Variants in LRTM2 observed in about 807,000 individuals in gnomAD.
LRTM2 encodes leucine rich repeat transmembrane protein 2.
A neutral mutation model predicts 28.1 loss-of-function variants in LRTM2; 18 were observed. The observed-to-expected ratio is 0.64, with a 90% confidence interval of 0.44 to 0.95. The LOEUF (loss-of-function observed/expected upper bound fraction) is 0.95. LRTM2 is among the 40% of genes least tolerant of loss of function. The probability of loss-of-function intolerance (pLI) is 0.00; values close to 1 mark genes in which losing one functional copy is unlikely to be tolerated. For synonymous variants in LRTM2, 250 were observed against 218.7 expected, an observed-to-expected ratio of 1.14 and a Z score of -1.26; for missense variants, 436 against 497.2, an observed-to-expected ratio of 0.88 and a Z score of 1.17.
intron 1 of LRTM2, among the ~76,000 whole-genome samples, chr12:1,821,642 G>A (rs1013865888): frequency 6.6e-6 from 1 of 152,166 alleles, no homozygotes; most frequent in Non-Finnish European, 1.5e-5. Flanking sequence ...AGCGGGGCCA[G>A]GCCTGCCTGG....
In LRTM2 at chr12:1,826,411, C is replaced by CCCGT. The variant is rs1555177867; in HGVS notation, c.-258-997_-258-996insGTCC. On this transcript the variant is annotated intron_variant, in intron 1 of 4. Coordinates refer to ENST00000299194, the MANE Select transcript of LRTM2 (RefSeq NM_001039029.3). ...GATTTGAACCCAGAGCCCCCCCCCC[C>CCCGT]CCCCCGCCAACTGGCACCAGGAGCC... is the stretch of plus-strand genomic sequence containing the variant. Among the ~76,000 whole-genome samples, 228 of 102,662 alleles carry CCCGT rather than the reference C, an allele frequency of 2.2e-3. 1 individual carries two copies. The highest frequency in any genetic ancestry group is 9.5e-3 in the African/African-American group (216 of 22,796). The allele number at this position is 102,662 out of a possible 152,430, so 67.4% of individuals were successfully genotyped here.
At chr12:1,821,008 T>A (rs1430852391) in intron 1 of LRTM2, among the ~76,000 whole-genome samples, 194 bp downstream of exon 1, 1 of 152,174 alleles carries the variant, frequency 6.6e-6, no homozygotes, top group Admixed American at 6.5e-5. Context: ...TGCACGACAC[T>A]GGGAACTCTG....
At position 1,833,153 on chromosome 12, in the gene LRTM2, A is replaced by G. The variant is rs1285679270; in HGVS notation, c.659-1114A>G. On this transcript the variant is annotated intron_variant, in intron 4 of 4. Transcript: ENST00000299194. The surrounding 1 kb of genome is among the most constrained non-coding windows in gnomAD (Gnocchi z 4.2). ...ATAGCGGAGTTGCTTTCAACATTGC[A>G]TTTCTTAAAAACAAAATCCTGGAAT... Among the ~76,000 whole-genome samples the G allele has an allele frequency of 6.6e-6, 1 of 152,196 alleles. No homozygotes were observed. The highest frequency in any genetic ancestry group is 1.5e-5 in the Non-Finnish European group (1 of 68,034).
At position 1,820,893 on chromosome 12, in the gene LRTM2, C is replaced by T. The variant is rs78939196; in HGVS notation, c.-259+79C>T. The T allele has an allele frequency of 0.025, 3,855 of 152,206 alleles. 85 individuals are homozygous for T. Among genetic ancestry groups the T allele is most frequent in the Middle Eastern group, 0.068 (20 of 294 alleles). 9.4% of individuals were successfully genotyped at this position (152,206 alleles called of 1,614,324 possible). A position where few individuals can be genotyped will look rare whatever the true frequency, so the allele number is the denominator to read the frequency against. The stretch of plus-strand genomic sequence containing the variant: ...TGGTCGGGGCATGGGAAGTGGGCAC[C>T]GGCCATCTCTGCCCTGCAGGAATAG... On this transcript the variant is annotated intron_variant, in intron 1 of 4. Coordinates refer to ENST00000299194, the MANE Select transcript of LRTM2 (RefSeq NM_001039029.3). This position sits in a 1 kb window ranked among gnomAD's most constrained non-coding sequence, Gnocchi z 6.0.
chr12:1,826,593 C>T (rs1864338450), intron 1 of LRTM2, among the ~76,000 whole-genome samples: 2 of 152,222 alleles, frequency 1.3e-5, no homozygotes, highest in Non-Finnish European at 2.9e-5. Context: ...TCTTGTGACC[C>T]CTCTGCCAAC....
chr12:1,822,959 A>T (rs565615280), intron 1 of LRTM2, among the ~76,000 whole-genome samples: 1 of 152,194 alleles, frequency 6.6e-6, no homozygotes, highest in Non-Finnish European at 1.5e-5. Context: ...CGGCCCCTGC[A>T]GGCCCAGGGT....
chr12:1,832,846 T>A (rs974702749), intron 4 of LRTM2, among the ~76,000 whole-genome samples: 1 of 152,244 alleles, frequency 6.6e-6, no homozygotes, highest in Non-Finnish European at 1.5e-5. Context: ...AGTAATTAAA[T>A]AAATTAAATA....
intron 2 of LRTM2, 191 bp from the exon 3 acceptor site, chr12:1,827,885 C>T (rs1565691812): frequency 1.0e-5 from 4 of 389,626 alleles, no homozygotes; most frequent in Non-Finnish European, 1.8e-5. Context: ...AAAGCCGAAG[C>T]CTGCCCCGCC....
chr12:1,827,940 C>G (rs1592685166), intron 2 of LRTM2, 136 bp from the exon 3 acceptor site: 3 of 417,112 alleles, frequency 7.2e-6, no homozygotes, highest in Non-Finnish European at 1.3e-5. Context: ...CTTCTTCCCC[C>G]ACCCAGGGAA....
intron 1 of LRTM2, among the ~76,000 whole-genome samples, chr12:1,826,557 G>T (rs1335832612): frequency 6.6e-6 from 1 of 152,238 alleles, no homozygotes; most frequent in East Asian, 1.9e-4. Context: ...CACCTGGGCT[G>T]CCTGCAATCC....
In LRTM2 at chr12:1,831,508, A is replaced by G; in HGVS notation, c.641A>G (p.Glu214Gly). ...CNLREFKHWM[E>G]WFSYRGGRLD... The stretch of plus-strand genomic sequence containing the variant: ...CTGCGTGAGTTCAAACACTGGATGG[A>G]GTGGTTCTCCTACCGAGGTGAGCGC... Residue 214 changes from glutamate to glycine, a missense_variant, in exon 4 of 5, where the codon GAG becomes GGG. Glu to Gly is a moderately conservative substitution (Grantham distance 98). Coordinates refer to ENST00000299194, the MANE Select transcript of LRTM2 (RefSeq NM_001039029.3). The G allele has an allele frequency of 6.2e-7, 1 of 1,613,062 alleles. No individual in the cohort carries two copies. The highest frequency in any genetic ancestry group is 8.5e-7 in the Non-Finnish European group (1 of 1,179,684).
At chr12:1,827,246 A>G (rs989183020) in intron 1 of LRTM2, among the ~76,000 whole-genome samples, 164 bp from the exon 2 acceptor site, 4 of 151,890 alleles carry the variant, frequency 2.6e-5, no homozygotes, top group Non-Finnish European at 5.9e-5. Flanking sequence ...AGACCCCAGC[A>G]CACAGCCTGT....
In LRTM2 at chr12:1,834,516, G is replaced by A; in HGVS notation, c.908G>A (p.Ser303Asn). The A allele has an allele frequency of 1.2e-6, 2 of 1,606,264 alleles. No individual in the cohort carries two copies. The highest frequency in any genetic ancestry group is 1.7e-5 in the Admixed American group (1 of 60,002). ...CPQKQRHRPA[S>N]VRRAMGTVII... ...CAGAAGCAGAGGCACCGGCCGGCGA[G>A]CGTGAGGCGAGCCATGGGCACGGTG... The change falls in exon 5 of 5, where the codon AGC becomes AAC. Residue 303 changes from serine to asparagine, a missense_variant. Transcript: ENST00000299194. This position sits in a 1 kb window ranked among gnomAD's most constrained non-coding sequence, Gnocchi z 7.6.
rs1188278475 is a variant in LRTM2, at chr12:1,828,230, G to C, written c.67+15G>C. The C allele has an allele frequency of 6.6e-7, 1 of 1,511,916 alleles. No homozygotes were observed. The highest frequency in any genetic ancestry group is 1.9e-5 in the African/African-American group (1 of 51,444). 93.7% of individuals were successfully genotyped at this position (1,511,916 alleles called of 1,614,324 possible). ...GCAAGTCTCCTGTGAGTACACCCCT[G>C]GCCTCGGAGGGGGGTGCGGGTTGGG... On this transcript the variant is annotated intron_variant, in intron 3 of 4. Transcript: ENST00000299194. The surrounding 1 kb of genome is among the most constrained non-coding windows in gnomAD (Gnocchi z 4.2).
chr12:1,828,053 C>G lies in LRTM2; in HGVS notation c.-73-23C>G. On this transcript the variant is annotated intron_variant, in intron 2 of 4. Transcript: ENST00000299194. This position sits in a 1 kb window ranked among gnomAD's most constrained non-coding sequence, Gnocchi z 4.2. ...AACGGGGCTCCCGCGCCTGCCTGTG[C>G]TCAGTGCTCCTCCCTCCCTCAGGAC... 9.7e-6 allele frequency: 12 copies of G among 1,232,466 alleles called. No homozygotes were observed. Among genetic ancestry groups the G allele is most frequent in the Non-Finnish European group, 1.2e-5 (11 of 924,686 alleles). The allele number at this position is 1,232,466 out of a possible 1,614,324, so 76.3% of individuals were successfully genotyped here.
chr12:1,829,720 C>A lies in LRTM2; in HGVS notation c.68-1215C>A, dbSNP rs1864532643. Among the ~76,000 whole-genome samples the A allele has an allele frequency of 6.7e-6, 1 of 149,116 alleles. No homozygotes were observed. The highest frequency in any genetic ancestry group is 6.7e-5 in the Admixed American group (1 of 15,034). ...CCACCCCGACCTGGGACAGCCAGGT[C>A]CCAGGTCCCATGTCAGGGTGGGCCG... On this transcript the variant is annotated intron_variant, in intron 3 of 4. Coordinates refer to ENST00000299194, the MANE Select transcript of LRTM2 (RefSeq NM_001039029.3). The surrounding 1 kb of genome is among the most constrained non-coding windows in gnomAD (Gnocchi z 4.2).
chr12:1,831,257 C>T lies in LRTM2; in HGVS notation c.390C>T (p.Thr130=). 6.2e-7 allele frequency: 1 copy of T among 1,613,796 alleles called. No homozygotes were observed. Among genetic ancestry groups the T allele is most frequent in the Non-Finnish European group, 8.5e-7 (1 of 1,180,036 alleles). The change falls in exon 4 of 5, where the codon ACC becomes ACT. Residue 130 remains threonine, a synonymous_variant. Transcript: ENST00000299194. ...AGCTGCGCAATAACAGCATCAGGAC[C>T]CTGGACAGGGACCTGCTGCGGCACT... ...ELQLRNNSIR[T]LDRDLLRHSP...
rs1864489399 is a variant in LRTM2 at position 1,828,899 on chromosome 12, AAGGGACC to A, written c.67+688_67+694del. ...CTGAGAATTCTCTTTATATGTGGCA[AAGGGACC>A]AGGTCAGCAAGGGCTGGTCTGCCCA... On this transcript the variant is annotated intron_variant, in intron 3 of 4. Transcript: ENST00000299194. This position sits in a 1 kb window ranked among gnomAD's most constrained non-coding sequence, Gnocchi z 4.2. 6.6e-6 allele frequency among the ~76,000 whole-genome samples: 1 copy of A among 152,194 alleles called. No individual in the cohort carries two copies. The highest frequency in any genetic ancestry group is 6.5e-5 in the Admixed American group (1 of 15,292).
intron 1 of LRTM2, among the ~76,000 whole-genome samples, chr12:1,823,793 G>C (rs974054625): frequency 9.9e-5 from 15 of 152,210 alleles, no homozygotes; most frequent in African/African-American, 3.6e-4. Context: ...AAAAACAGCT[G>C]CCTTCTCAGC....
Sources: allele counts gnomAD v4.1 joint callset (sites outside exome capture counted in the v4.1 genomes callset), GRCh38; gene constraint gnomAD v4.1.1; non-coding constraint Gnocchi (gnomAD v3.1); transcripts MANE v1.5; gene names NCBI Gene and HGNC (gene_info 2026-07-23, HGNC 2026-07-21).